Variants in C4orf36 observed in about 807,000 individuals in gnomAD.
C4orf36 encodes the protein chromosome 4 open reading frame 36.
A neutral mutation model predicts 12.2 loss-of-function variants in C4orf36; 11 were observed. That is an observed-to-expected ratio of 0.90 (90% CI 0.57 to 1.49). The LOEUF (loss-of-function observed/expected upper bound fraction) is 1.49. Among genes scored for constraint, C4orf36 ranks in the 40% most tolerant of loss-of-function variants. The pLI is 0.00. For synonymous variants in C4orf36, 54 were observed against 51.3 expected, an observed-to-expected ratio of 1.05 and a Z score of -0.22; for missense variants, 137 against 133.9, an observed-to-expected ratio of 1.02 and a Z score of -0.11.
At chr4:86,922,101 AAC>A in the C4orf36 span, among the ~76,000 whole-genome samples, 1 of 152,236 alleles carries the variant, frequency 6.6e-6, no homozygotes, top group African/African-American at 2.4e-5. Flanking sequence ...AATTCAAAAA[AAC>A]ACACATAAAT....
chr4:86,892,277 G>A lies in C4orf36; in HGVS notation c.-168C>T, dbSNP rs926091704. On this transcript the variant is annotated 5_prime_UTR_variant, in exon 1 of 5. Transcript: ENST00000295898. ...CCCGCGAGCCGGCGCCGGCGGCCTGGTTACCCGGGCTCCAGGGGCTCGGAG... is the reference window on the plus strand; with the variant it reads ...CCCGCGAGCCGGCGCCGGCGGCCTGATTACCCGGGCTCCAGGGGCTCGGAG... The A allele has an allele frequency of 1.0e-6, 1 of 985,748 alleles. No homozygotes were observed. The highest frequency in any genetic ancestry group is 1.7e-5 in the African/African-American group (1 of 57,264). The allele number at this position is 985,748 out of a possible 1,614,324, so 61.1% of individuals were successfully genotyped here. A position where few individuals can be genotyped will look rare whatever the true frequency, so the allele number is the denominator to read the frequency against.
the C4orf36 span, among the ~76,000 whole-genome samples, chr4:86,898,391 C>A: frequency 1.3e-5 from 2 of 151,702 alleles, no homozygotes; most frequent in Admixed American, 6.6e-5. Flanking sequence ...GTATCTGTCT[C>A]TAAATAAATA....
intron 4 of C4orf36, among the ~76,000 whole-genome samples, chr4:86,884,429 T>G (rs1747123052): frequency 6.6e-6 from 1 of 151,570 alleles, no homozygotes; most frequent in South Asian, 2.1e-4. Flanking sequence ...CTCAGCCTCC[T>G]GAGTAGCTGG....
the C4orf36 span, chr4:86,913,566 G>A: frequency 5.2e-6 from 6 of 1,147,986 alleles, no homozygotes; most frequent in South Asian, 1.3e-5. Context: ...CAGCAGTCAT[G>A]GCCAGCAGCC....
chr4:86,885,372 G>A (rs534195551), intron 4 of C4orf36, among the ~76,000 whole-genome samples: 3 of 151,896 alleles, frequency 2.0e-5, no homozygotes, highest in Admixed American at 6.6e-5. Context: ...CTTTTATTTC[G>A]TTGAGCAGTG....
the C4orf36 span, among the ~76,000 whole-genome samples, chr4:86,906,586 G>A: frequency 6.6e-6 from 1 of 151,386 alleles, no homozygotes; most frequent in Non-Finnish European, 1.5e-5. Context: ...AAATTAGCTG[G>A]GTGTGGTGGT....
At chr4:86,914,294 G>A in the C4orf36 span, 1 of 1,601,598 alleles carries the variant, frequency 6.2e-7, no homozygotes, top group Non-Finnish European at 8.6e-7. Flanking sequence ...AAGTGACGAT[G>A]CGGTCGCTCT....
chr4:86,923,103 T>TA, the C4orf36 span, among the ~76,000 whole-genome samples: 41 of 150,716 alleles, frequency 2.7e-4, no homozygotes, highest in African/African-American at 9.3e-4. Context: ...TTTTTTTTTT[T>TA]AATTTTTAGA....
intron 2 of C4orf36, among the ~76,000 whole-genome samples, chr4:86,889,459 G>T (rs1578779191): frequency 6.6e-6 from 1 of 152,134 alleles, no homozygotes; most frequent in Admixed American, 6.5e-5. Context: ...GTGTCGATTT[G>T]GAAAGATAAG....
the C4orf36 span, among the ~76,000 whole-genome samples, chr4:86,904,276 C>CG: frequency 2.3e-3 from 352 of 152,330 alleles, 4 homozygotes; most frequent in African/African-American, 8.1e-3. Flanking sequence ...GCCCTGGCTC[C>CG]GCCCGCGCGT....
chr4:86,891,293 CAAAAAAAA>C (rs34250498), intron 2 of C4orf36, among the ~76,000 whole-genome samples, 155 bp downstream of exon 2: 4 of 118,944 alleles, frequency 3.4e-5, no homozygotes, highest in South Asian at 2.8e-4. Context: ...AAGCAGTTGC[CAAAAAAAA>C]AAAAAAAAAA....
chr4:86,884,184 C>T (rs1747112937), intron 4 of C4orf36, among the ~76,000 whole-genome samples: 1 of 152,088 alleles, frequency 6.6e-6, no homozygotes, highest in African/African-American at 2.4e-5. Flanking sequence ...CTGTGTTTTC[C>T]TCATAAGACC....
At chr4:86,905,218 C>CA in the C4orf36 span, among the ~76,000 whole-genome samples, 24,617 of 123,114 alleles carry the variant, frequency 0.2, 2,172 homozygotes, top group East Asian at 0.33. Flanking sequence ...ACTAAAAATA[C>CA]AAAAAAAAAA....
chr4:86,894,318 TATATACAC>T (rs938943454), upstream of C4orf36, among the ~76,000 whole-genome samples: 1 of 152,188 alleles, frequency 6.6e-6, no homozygotes, highest in Non-Finnish European at 1.5e-5. Context: ...TATACATATA[TATATACAC>T]ATATACACAT....
At chr4:86,883,146 A>G (rs1028841387) in intron 4 of C4orf36, among the ~76,000 whole-genome samples, 38 of 152,320 alleles carry the variant, frequency 2.5e-4, no homozygotes, top group African/African-American at 8.2e-4. Context: ...ACAGACCACA[A>G]AATGATATCT....
chr4:86,876,328 G>C lies in C4orf36; in HGVS notation c.*118C>G, dbSNP rs544310954. On this transcript the variant is annotated 3_prime_UTR_variant, in exon 5 of 5. Transcript: ENST00000295898. ...GGAGGCTTCCTGAGGTGGGGGCCGG[G>C]CCAGGATGGCTGCAGCGCAGCGACG... 4 of 1,512,646 alleles carry C rather than the reference G, an allele frequency of 2.6e-6. No homozygotes were observed. The South Asian group carries it at 3.8e-5, about 14-fold the overall frequency. The allele number at this position is 1,512,646 out of a possible 1,614,324, so 93.7% of individuals were successfully genotyped here. A position where few individuals can be genotyped will look rare whatever the true frequency, so the allele number is the denominator to read the frequency against.
chr4:86,931,393 T>C, the C4orf36 span, among the ~76,000 whole-genome samples: 1 of 152,046 alleles, frequency 6.6e-6, no homozygotes. Context: ...GGCTGTTTAA[T>C]TTAATTTTTT....
the C4orf36 span, among the ~76,000 whole-genome samples, chr4:86,903,726 A>T: frequency 5.3e-5 from 8 of 152,078 alleles, no homozygotes; most frequent in Non-Finnish European, 1.0e-4. Flanking sequence ...CCCTACCCAC[A>T]TCCTGCTGAT....
At chr4:86,917,348 A>G in the C4orf36 span, among the ~76,000 whole-genome samples, 2 of 149,320 alleles carry the variant, frequency 1.3e-5, no homozygotes, top group Non-Finnish European at 3.0e-5. Context: ...GGAAGGATGG[A>G]AGGAAGGAAG....
Sources: allele counts gnomAD v4.1 joint callset (sites outside exome capture counted in the v4.1 genomes callset), GRCh38; gene constraint gnomAD v4.1.1; transcripts MANE v1.5; gene names NCBI Gene and HGNC (gene_info 2026-07-23, HGNC 2026-07-21).